CCDC60: variants seen among roughly 807,000 people sequenced by gnomAD.
The protein encoded by CCDC60 is coiled-coil domain containing 60, also known as coiled-coil domain-containing protein 60.
Under a neutral mutation model 63.5 loss-of-function variants are expected in CCDC60, and 54 were observed. The ratio of observed to expected loss-of-function variants is 0.85; its 90% CI spans 0.68 to 1.07. CCDC60 has a LOEUF of 1.07. Among genes scored for constraint, CCDC60 ranks in the 50% least tolerant of loss-of-function variants. The pLI is 0.00. For synonymous variants in CCDC60, 206 were observed against 238.8 expected, an observed-to-expected ratio of 0.86 and a Z score of 1.27; for missense variants, 651 against 684.3, an observed-to-expected ratio of 0.95 and a Z score of 0.54.
chr12:119,439,480 A>C (rs1017726708), intron 2 of CCDC60, among the ~76,000 whole-genome samples: 6 of 152,210 alleles, frequency 3.9e-5, no homozygotes, highest in African/African-American at 1.4e-4. Flanking sequence ...GCTGACAGCG[A>C]ATGGCAATTG....
At chr12:119,361,517 GA>G (rs978900705) in intron 1 of CCDC60, among the ~76,000 whole-genome samples, 9 of 150,728 alleles carry the variant, frequency 6.0e-5, no homozygotes, top group East Asian at 1.9e-4. Context: ...GAACAGCAGG[GA>G]AAAAAAAATA....
intron 1 of CCDC60, among the ~76,000 whole-genome samples, chr12:119,395,152 A>C (rs998068771): frequency 3.3e-5 from 5 of 152,216 alleles, no homozygotes; most frequent in Admixed American, 2.0e-4. Context: ...CAGAGGTGCA[A>C]CCAACAGATG....
rs1392917609 is a variant in CCDC60 at position 119,410,477 on chromosome 12, C to T, written c.91-18206C>T. On this transcript the variant is annotated intron_variant, in intron 1 of 13. Transcript: ENST00000327554. The surrounding 1 kb of genome is among the most constrained non-coding windows in gnomAD (Gnocchi z 4.0). The stretch of plus-strand genomic sequence containing the variant: ...GCCCTCACCCCTAAGCTGATTTTGC[C>T]GAAATGGCTTCTCAACAGCATTACC... 2.6e-5 allele frequency among the ~76,000 whole-genome samples: 4 copies of T among 152,188 alleles called. No homozygotes were observed. Among genetic ancestry groups the T allele is most frequent in the South Asian group, 4.2e-4 (2 of 4,816 alleles).
At chr12:119,417,597 C>T (rs141071559) in intron 1 of CCDC60, among the ~76,000 whole-genome samples, 286 of 152,226 alleles carry the variant, frequency 1.9e-3, no homozygotes, top group South Asian at 5.0e-3. Flanking sequence ...TTAACTAGTA[C>T]CTGGTCCTGA....
rs1758735477 is a variant in CCDC60, at chr12:119,472,033, TG to T, written c.211del (p.Ala71LeufsTer3). The T allele has an allele frequency of 6.2e-7, 1 of 1,614,142 alleles. No homozygotes were observed. Among genetic ancestry groups the T allele is most frequent in the African/African-American group, 1.3e-5 (1 of 75,030 alleles). On this transcript the variant is annotated frameshift_variant, in exon 3 of 14. Coordinates refer to ENST00000327554, the MANE Select transcript of CCDC60 (RefSeq NM_178499.5). LOFTEE classifies it high-confidence loss of function. ...CTGTGAAGATAGGCCGTGGATATTT[TG>T]CTATTCTGAGGGAAGAGACTGCAAA... ...QSVKIGRGYF[A>X]ILREETAKKK...
At chr12:119,527,343 T>C (rs1240141275) in intron 11 of CCDC60, among the ~76,000 whole-genome samples, 3 of 152,148 alleles carry the variant, frequency 2.0e-5, no homozygotes, top group Non-Finnish European at 4.4e-5. Flanking sequence ...GATGTAGTAA[T>C]ATGTACAACA....
intron 1 of CCDC60, among the ~76,000 whole-genome samples, chr12:119,385,311 T>A (rs1326608620): frequency 6.6e-6 from 1 of 152,152 alleles, no homozygotes; most frequent in Non-Finnish European, 1.5e-5. Flanking sequence ...TCAAAGGTGA[T>A]ATGGTTTGGC....
chr12:119,406,495 G>A (rs958698299), intron 1 of CCDC60, among the ~76,000 whole-genome samples: 8 of 151,978 alleles, frequency 5.3e-5, no homozygotes, highest in African/African-American at 1.7e-4. Context: ...CTCTTTGTTT[G>A]GCATTGTGCC....
intron 1 of CCDC60, among the ~76,000 whole-genome samples, chr12:119,384,079 C>T (rs1355413480): frequency 6.6e-6 from 1 of 152,048 alleles, no homozygotes; most frequent in Non-Finnish European, 1.5e-5. Flanking sequence ...GCCTATAGTT[C>T]CAACTACTTG....
chr12:119,531,720 C>T (rs1341263885), intron 13 of CCDC60, among the ~76,000 whole-genome samples: 1 of 152,100 alleles, frequency 6.6e-6, no homozygotes, highest in Non-Finnish European at 1.5e-5. Context: ...GCATAGTTCC[C>T]AGGGGATTGG....
intron 2 of CCDC60, 116 bp from the exon 3 acceptor site, chr12:119,471,878 C>T (rs1951066618): frequency 1.9e-5 from 16 of 820,626 alleles, no homozygotes; most frequent in African/African-American, 5.2e-5. Flanking sequence ...CTCTATCCCT[C>T]TTTATCTCTC....
chr12:119,374,465 C>T (rs953645562), intron 1 of CCDC60, among the ~76,000 whole-genome samples: 2 of 152,012 alleles, frequency 1.3e-5, no homozygotes, highest in Non-Finnish European at 2.9e-5. Flanking sequence ...ATAATAAAGA[C>T]AAATACATAG....
chr12:119,408,659 TA>T (rs974070105), intron 1 of CCDC60, among the ~76,000 whole-genome samples: 101 of 151,728 alleles, frequency 6.7e-4, no homozygotes, highest in African/African-American at 2.3e-3. Flanking sequence ...CTGTCTCTAC[TA>T]AAAAAAATAC....
intron 8 of CCDC60, among the ~76,000 whole-genome samples, chr12:119,519,076 A>G (rs78143327): frequency 0.012 from 1,828 of 152,344 alleles, 16 homozygotes; most frequent in Non-Finnish European, 0.019. Flanking sequence ...AGAGACGGTT[A>G]GGAAAAGCTG....
chr12:119,529,387 A>G (rs1952776494), intron 12 of CCDC60, among the ~76,000 whole-genome samples: 1 of 152,174 alleles, frequency 6.6e-6, no homozygotes, highest in Non-Finnish European at 1.5e-5. Context: ...TCACACCATC[A>G]GTTAACTGGT....
intron 5 of CCDC60, 78 bp from the exon 6 acceptor site, chr12:119,499,996 CTATT>C (rs1951809553): frequency 3.1e-6 from 3 of 969,934 alleles, no homozygotes; most frequent in Admixed American, 3.5e-5. Flanking sequence ...CATTCCTCCT[CTATT>C]TATTGCATTT....
intron 1 of CCDC60, among the ~76,000 whole-genome samples, chr12:119,399,939 A>G (rs1276855047): frequency 6.6e-6 from 1 of 152,178 alleles, no homozygotes; most frequent in South Asian, 2.1e-4. Context: ...TTTTTAGATT[A>G]AGTATCGTGC....
At chr12:119,351,066 C>T (rs75939586) in intron 1 of CCDC60, among the ~76,000 whole-genome samples, 1,779 of 152,342 alleles carry the variant, frequency 0.012, 17 homozygotes, top group Non-Finnish European at 0.017. Flanking sequence ...CTGCAGGGAT[C>T]TCATCTTCAG....
At chr12:119,390,517 G>A (rs951198607) in intron 1 of CCDC60, among the ~76,000 whole-genome samples, 1 of 152,236 alleles carries the variant, frequency 6.6e-6, no homozygotes, top group African/African-American at 2.4e-5. Flanking sequence ...ATCAGTGAAT[G>A]GGTGAATGAA....
Sources: gnomAD v4.1 joint callset for allele counts (sites outside exome capture counted in the v4.1 genomes callset) on GRCh38, gnomAD v4.1.1 for gene constraint, Gnocchi (gnomAD v3.1) non-coding constraint, MANE v1.5 for transcripts, NCBI Gene and HGNC (gene_info 2026-07-23, HGNC 2026-07-21) for gene names.